The following VEPH1 variants were observed in gnomAD, a reference collection of about 807,000 sequenced individuals.
VEPH1 encodes ventricular zone-expressed PH domain-containing protein homolog 1.
Under a neutral mutation model 85.2 loss-of-function variants are expected in VEPH1, and 80 were observed. The ratio of observed to expected loss-of-function variants is 0.94; its 90% CI spans 0.78 to 1.13. VEPH1 has a LOEUF of 1.13. VEPH1 is among the 50% of genes most tolerant of loss of function. VEPH1 has a pLI of 0.00. For missense variants in VEPH1, 955 were observed against 980.5 expected, an observed-to-expected ratio of 0.97 and a Z score of 0.35; for synonymous variants, 297 against 348.0, an observed-to-expected ratio of 0.85 and a Z score of 1.63.
intron 2 of VEPH1, among the ~76,000 whole-genome samples, chr3:157,473,939 C>T (rs560463795): frequency 6.6e-6 from 1 of 152,126 alleles, no homozygotes; most frequent in South Asian, 2.1e-4. Context: ...ACAAATTTCC[C>T]AATATTAGTT....
At chr3:157,403,485 G>A (rs1441143794) in intron 6 of VEPH1, among the ~76,000 whole-genome samples, 1 of 151,992 alleles carries the variant, frequency 6.6e-6, no homozygotes. Flanking sequence ...GAATATAGTG[G>A]CACAATCATA....
chr3:157,401,414 T>A (rs972955021), intron 6 of VEPH1, among the ~76,000 whole-genome samples: 1 of 152,138 alleles, frequency 6.6e-6, no homozygotes, highest in African/African-American at 2.4e-5. Flanking sequence ...CATGACATAA[T>A]TTACTCATTA....
At chr3:157,419,116 GT>G (rs1208583422) in intron 5 of VEPH1, among the ~76,000 whole-genome samples, 1 of 152,116 alleles carries the variant, frequency 6.6e-6, no homozygotes, top group Non-Finnish European at 1.5e-5. Flanking sequence ...GCTGGGAGAA[GT>G]GGCTAGCCAT....
At chr3:157,501,095 T>A (rs931845212) in intron 1 of VEPH1, among the ~76,000 whole-genome samples, 1 of 152,222 alleles carries the variant, frequency 6.6e-6, no homozygotes, top group African/African-American at 2.4e-5. Flanking sequence ...CTTTTAAAAA[T>A]TAATACATGA....
chr3:157,299,885 T>C (rs12495519), intron 11 of VEPH1, among the ~76,000 whole-genome samples: 35,520 of 152,192 alleles, frequency 0.23, 5,212 homozygotes, highest in Admixed American at 0.46. Context: ...CTACTGTTTA[T>C]TGAGCTCTTA....
chr3:157,467,965 TA>T (rs1348733615), intron 3 of VEPH1, among the ~76,000 whole-genome samples: 1 of 152,222 alleles, frequency 6.6e-6, no homozygotes, highest in Non-Finnish European at 1.5e-5. Context: ...CCATCCCTTT[TA>T]AGTAGGAGAC....
chr3:157,434,224 G>A lies in VEPH1; in HGVS notation c.530-5736C>T, dbSNP rs532082679. On this transcript the variant is annotated intron_variant, in intron 4 of 13. Coordinates refer to ENST00000362010, the MANE Select transcript of VEPH1 (RefSeq NM_001167912.2). Reference sequence around the variant, plus strand: ...TTCTCTTCCTCCCCTCCAATTTAAAGCTTTTAACTTTTAACATTTCTACTT... The same window carrying A: ...TTCTCTTCCTCCCCTCCAATTTAAAACTTTTAACTTTTAACATTTCTACTT... Among the ~76,000 whole-genome samples the A allele has an allele frequency of 2.0e-5, 3 of 152,080 alleles. No individual in the cohort carries two copies. In the South Asian group the frequency reaches 6.2e-4, roughly 32 times the overall value.
intron 7 of VEPH1, among the ~76,000 whole-genome samples, chr3:157,365,061 C>G (rs549863761): frequency 1.3e-5 from 2 of 152,154 alleles, no homozygotes; most frequent in Non-Finnish European, 2.9e-5. Flanking sequence ...ACCCAAATAT[C>G]TTTTATAGTA....
intron 9 of VEPH1, among the ~76,000 whole-genome samples, chr3:157,318,956 A>C (rs1360892937): frequency 6.6e-6 from 1 of 152,146 alleles, no homozygotes; most frequent in African/African-American, 2.4e-5. Context: ...CACCTAAGAC[A>C]GAGTGTTGTT....
chr3:157,341,542 T>C (rs12696047), intron 9 of VEPH1, among the ~76,000 whole-genome samples: 105,016 of 151,940 alleles, frequency 0.69, 36,615 homozygotes, highest in East Asian at 0.78. Flanking sequence ...ACCAAATCTA[T>C]GTCTGATTGG....
At chr3:157,395,778 T>C (rs917652444) in intron 6 of VEPH1, among the ~76,000 whole-genome samples, 3 of 152,136 alleles carry the variant, frequency 2.0e-5, no homozygotes, top group African/African-American at 7.2e-5. Context: ...ACACATATCA[T>C]GAGGGTTTGT....
At chr3:157,276,900 T>C (rs1204078843) in intron 12 of VEPH1, among the ~76,000 whole-genome samples, 1 of 151,912 alleles carries the variant, frequency 6.6e-6, no homozygotes, top group Non-Finnish European at 1.5e-5. Context: ...GATAATTTTT[T>C]TTTTTTTTTT....
intron 12 of VEPH1, among the ~76,000 whole-genome samples, chr3:157,282,317 C>T (rs1057398883): frequency 1.3e-5 from 2 of 152,202 alleles, no homozygotes; most frequent in South Asian, 2.1e-4. Context: ...GCAATCTTCC[C>T]GCCACTCTTT....
At chr3:157,422,316 G>A (rs1732406300) in intron 5 of VEPH1, among the ~76,000 whole-genome samples, 1 of 152,164 alleles carries the variant, frequency 6.6e-6, no homozygotes, top group Admixed American at 6.5e-5. Flanking sequence ...CACCCACCAA[G>A]TCACCCTTTG....
intron 5 of VEPH1, among the ~76,000 whole-genome samples, chr3:157,423,714 A>T (rs146690098): frequency 8.5e-5 from 13 of 152,288 alleles, no homozygotes; most frequent in African/African-American, 3.1e-4. Context: ...GTTTATTGTC[A>T]GTTTGGTTCT....
At chr3:157,325,722 A>T (rs1158634959) in intron 9 of VEPH1, among the ~76,000 whole-genome samples, 1 of 152,174 alleles carries the variant, frequency 6.6e-6, no homozygotes, top group Non-Finnish European at 1.5e-5. Flanking sequence ...TACAAGTACC[A>T]TGCTGTTTGG....
At chr3:157,306,972 A>T (rs1397149002) in intron 11 of VEPH1, among the ~76,000 whole-genome samples, 2 of 152,012 alleles carry the variant, frequency 1.3e-5, no homozygotes, top group African/African-American at 2.4e-5. Flanking sequence ...GACTTACTTC[A>T]CTTAGAATAA....
chr3:157,445,402 C>T (rs1255158287), intron 4 of VEPH1, among the ~76,000 whole-genome samples: 1 of 152,120 alleles, frequency 6.6e-6, no homozygotes, highest in Non-Finnish European at 1.5e-5. Context: ...CCAGGCAGAT[C>T]AGAAGCTCAG....
intron 9 of VEPH1, among the ~76,000 whole-genome samples, chr3:157,350,387 A>C (rs1021606130): frequency 3.3e-5 from 5 of 152,210 alleles, no homozygotes; most frequent in Admixed American, 6.5e-5. Context: ...TCAAAGACCT[A>C]AGTGTAAAAC....
Sources: gnomAD v4.1 joint callset for allele counts (sites outside exome capture counted in the v4.1 genomes callset) on GRCh38, gnomAD v4.1.1 for gene constraint, MANE v1.5 for transcripts, NCBI Gene and HGNC (gene_info 2026-07-23, HGNC 2026-07-21) for gene names.